The following COP1 variants were observed in gnomAD, a reference collection of about 807,000 sequenced individuals.
COP1 encodes the protein E3 ubiquitin-protein ligase COP1.
COP1 carries 24 observed loss-of-function variants against 101.3 expected under a neutral mutation model. That is an observed-to-expected ratio of 0.24 (90% CI 0.17 to 0.33). The LOEUF is 0.33. COP1 is among the 10% of genes least tolerant of loss of function. COP1 has a pLI of 1.00. For synonymous variants in COP1, 347 were observed against 341.9 expected, an observed-to-expected ratio of 1.01 and a Z score of -0.17; for missense variants, 663 against 906.2, an observed-to-expected ratio of 0.73 and a Z score of 3.45.
chr1:175,995,154 A>G (rs1023520151), intron 15 of COP1, among the ~76,000 whole-genome samples: 2 of 152,240 alleles, frequency 1.3e-5, no homozygotes, highest in Non-Finnish European at 2.9e-5. Context: ...TACCGGGTAC[A>G]TAACGAAATG....
At chr1:176,080,072 G>C (rs139326571) in intron 11 of COP1, among the ~76,000 whole-genome samples, 1 of 151,926 alleles carries the variant, frequency 6.6e-6, no homozygotes, top group Admixed American at 6.6e-5. Flanking sequence ...CAGTAATCAT[G>C]GGTCGAAGAG....
chr1:176,068,429 T>C (rs546669924), intron 11 of COP1, among the ~76,000 whole-genome samples: 1 of 152,316 alleles, frequency 6.6e-6, no homozygotes, highest in South Asian at 2.1e-4. Context: ...AATCTGTGTT[T>C]CAACAAGATC....
chr1:176,086,610 G>T (rs188868698), intron 9 of COP1, among the ~76,000 whole-genome samples: 1 of 152,162 alleles, frequency 6.6e-6, no homozygotes, highest in African/African-American at 2.4e-5. Context: ...CGAAATAAGA[G>T]GACACAAACA....
chr1:176,062,875 G>A lies in COP1; in HGVS notation c.1278-16551C>T, dbSNP rs141667133. Among the ~76,000 whole-genome samples the A allele has an allele frequency of 5.9e-4, 90 of 152,142 alleles. 1 individual carries two copies. The highest frequency in any genetic ancestry group is 1.4e-3 in the South Asian group (7 of 4,828). ...AATGAATCTCAAAAACAAGCTGGGC[G>A]AAATAAGCTAGACACAAAAGAACAT... is the stretch of plus-strand genomic sequence containing the variant. On this transcript the variant is annotated intron_variant, in intron 11 of 19. Coordinates refer to ENST00000367669, the MANE Select transcript of COP1 (RefSeq NM_022457.7).
chr1:176,110,192 A>G (rs1685036882), intron 9 of COP1, among the ~76,000 whole-genome samples: 5 of 152,222 alleles, frequency 3.3e-5, no homozygotes, highest in Admixed American at 3.3e-4. Context: ...GATTACAATA[A>G]ATAACATATA....
rs559244780 is a variant in COP1, at chr1:176,081,487, T to C, written c.1142-200A>G. Reference sequence around the variant, plus strand: ...AATGTCTTGGTTCTTTGAAAGATACTGTCTCTTTCCACTGTGAATTCTCAC... The same window carrying C: ...AATGTCTTGGTTCTTTGAAAGATACCGTCTCTTTCCACTGTGAATTCTCAC... On this transcript the variant is annotated intron_variant, in intron 10 of 19. Transcript: ENST00000367669. 4.1e-4 allele frequency among the ~76,000 whole-genome samples: 63 copies of C among 152,184 alleles called. 3 individuals are homozygous for C. In the South Asian group the frequency reaches 0.012, roughly 29 times the overall value.
intron 8 of COP1, among the ~76,000 whole-genome samples, chr1:176,122,009 G>A (rs553601078): frequency 5.9e-5 from 9 of 151,854 alleles, no homozygotes; most frequent in African/African-American, 1.7e-4. Context: ...GCATGGTGGC[G>A]GGCGCCTGTA....
intron 18 of COP1, among the ~76,000 whole-genome samples, chr1:175,959,205 A>G (rs572549821): frequency 6.6e-6 from 1 of 152,108 alleles, no homozygotes; most frequent in Admixed American, 6.5e-5. Context: ...TTTGAAAGAA[A>G]AATATTATAT....
chr1:176,123,493 G>A (rs1410525709), intron 8 of COP1, among the ~76,000 whole-genome samples: 1 of 152,044 alleles, frequency 6.6e-6, no homozygotes, highest in African/African-American at 2.4e-5. Context: ...GACTCTAAAT[G>A]ACTCTAACCT....
intron 11 of COP1, among the ~76,000 whole-genome samples, chr1:176,051,706 C>A (rs1571932730): frequency 6.6e-6 from 1 of 151,994 alleles, no homozygotes; most frequent in South Asian, 2.1e-4. Flanking sequence ...TCCAGTGAGA[C>A]AAGATGTGGA....
chr1:176,135,683 TCACA>T (rs1195138912), intron 7 of COP1, among the ~76,000 whole-genome samples: 1 of 152,056 alleles, frequency 6.6e-6, no homozygotes, highest in Non-Finnish European at 1.5e-5. Flanking sequence ...ATTTTCTCTC[TCACA>T]CTGACAACCT....
chr1:176,046,112 T>C (rs1353970185), intron 12 of COP1, 69 bp downstream of exon 12: 1 of 1,263,228 alleles, frequency 7.9e-7, no homozygotes, highest in Non-Finnish European at 1.1e-6. Flanking sequence ...GGTAAAATAA[T>C]CTCATGATAA....
At chr1:176,006,218 C>G (rs1351855354) in intron 15 of COP1, among the ~76,000 whole-genome samples, 2 of 151,998 alleles carry the variant, frequency 1.3e-5, no homozygotes, top group African/African-American at 4.8e-5. Flanking sequence ...TTCCTCCATC[C>G]TTTTATTTTG....
chr1:176,149,333 G>A (rs371397392), intron 5 of COP1, among the ~76,000 whole-genome samples: 13 of 151,878 alleles, frequency 8.6e-5, no homozygotes, highest in East Asian at 5.8e-4. Flanking sequence ...ATCTTTTCAC[G>A]GATAATGGCA....
chr1:176,187,573 G>C (rs2102079160), intron 1 of COP1, among the ~76,000 whole-genome samples: 1 of 152,212 alleles, frequency 6.6e-6, no homozygotes, highest in South Asian at 2.1e-4. Context: ...TTTAATCACA[G>C]TTCTACCCCA....
At chr1:175,991,969 G>A (rs1317216997) in intron 15 of COP1, among the ~76,000 whole-genome samples, 1 of 152,190 alleles carries the variant, frequency 6.6e-6, no homozygotes, top group African/African-American at 2.4e-5. Flanking sequence ...AAGAAGTACA[G>A]TCTATAATAA....
intron 5 of COP1, among the ~76,000 whole-genome samples, chr1:176,155,706 G>C (rs1378832406): frequency 1.3e-5 from 2 of 151,910 alleles, no homozygotes; most frequent in Admixed American, 1.3e-4. Context: ...TAAAATGTAG[G>C]AATAACATAG....
intron 6 of COP1, among the ~76,000 whole-genome samples, chr1:176,142,813 AT>A: frequency 6.6e-6 from 1 of 152,162 alleles, no homozygotes; most frequent in South Asian, 2.1e-4. Flanking sequence ...ATTAGAAATT[AT>A]TTTGAACAAT....
intron 5 of COP1, among the ~76,000 whole-genome samples, chr1:176,156,038 CTTT>C (rs1693401860): frequency 6.6e-6 from 1 of 151,342 alleles, no homozygotes; most frequent in Non-Finnish European, 1.5e-5. Flanking sequence ...GGTTTTTGTT[CTTT>C]TTTATTTATT....
Sources: allele counts gnomAD v4.1 joint callset (sites outside exome capture counted in the v4.1 genomes callset), GRCh38; gene constraint gnomAD v4.1.1; transcripts MANE v1.5; gene names NCBI Gene and HGNC (gene_info 2026-07-23, HGNC 2026-07-21).